Variants in CTNNA3 observed in about 807,000 individuals in gnomAD.
The protein encoded by CTNNA3 is catenin alpha-3.
Under a neutral mutation model 95.7 loss-of-function variants are expected in CTNNA3, and 76 were observed. That is an observed-to-expected ratio of 0.79 (90% CI 0.66 to 0.96). The LOEUF (loss-of-function observed/expected upper bound fraction) is 0.96. CTNNA3 is among the 40% of genes least tolerant of loss of function. The pLI is 0.00. For synonymous variants in CTNNA3, 431 were observed against 374.4 expected (o/e 1.15, Z -1.74); for missense variants, 1,191 against 1,089.8 (o/e 1.09, Z -1.31).
chr10:66,850,188 G>A (rs935527983), intron 7 of CTNNA3, among the ~76,000 whole-genome samples: 3 of 152,168 alleles, frequency 2.0e-5, no homozygotes, highest in Admixed American at 6.6e-5. Flanking sequence ...AAATAAAAAC[G>A]AAAAATCTGG....
chr10:66,116,360 C>G (rs1393648425), intron 13 of CTNNA3, among the ~76,000 whole-genome samples: 1 of 152,020 alleles, frequency 6.6e-6, no homozygotes, highest in Non-Finnish European at 1.5e-5. Context: ...ACCATAGAAT[C>G]TAGTCATTCT....
chr10:66,593,185 CA>C (rs749398574), intron 10 of CTNNA3, among the ~76,000 whole-genome samples: 6 of 152,086 alleles, frequency 3.9e-5, no homozygotes, highest in Non-Finnish European at 5.9e-5. Context: ...CTTGCTTAGA[CA>C]TACTGAATTC....
intron 10 of CTNNA3, among the ~76,000 whole-genome samples, chr10:66,618,144 T>C (rs1329531625): frequency 2.0e-5 from 3 of 152,096 alleles, no homozygotes; most frequent in South Asian, 2.1e-4. Context: ...CCCAAGGTAA[T>C]TTATAGATTC....
intron 1 of CTNNA3, among the ~76,000 whole-genome samples, chr10:67,732,886 G>GCACA (rs35778813): frequency 4.3e-4 from 45 of 103,640 alleles, no homozygotes; most frequent in Middle Eastern, 4.7e-3. Flanking sequence ...TCTCACTCAC[G>GCACA]CACACACACA....
intron 7 of CTNNA3, among the ~76,000 whole-genome samples, chr10:66,895,394 AAGT>A (rs1394372224): frequency 1.3e-5 from 2 of 152,196 alleles, no homozygotes; most frequent in East Asian, 3.8e-4. Flanking sequence ...AACTTTTATG[AAGT>A]AGATCAAAAA....
chr10:67,298,794 T>C (rs1032255427), intron 5 of CTNNA3, among the ~76,000 whole-genome samples: 2 of 152,254 alleles, frequency 1.3e-5, no homozygotes, highest in African/African-American at 2.4e-5. Context: ...TGGAACTATA[T>C]GTGCAAATAG....
At position 67,342,245 on chromosome 10, in the gene CTNNA3, G is replaced by A. The variant is rs1456568292; in HGVS notation, c.580-122375C>T. Among the ~76,000 whole-genome samples the A allele has an allele frequency of 2.6e-5, 4 of 151,608 alleles. No individual in the cohort carries two copies. In the East Asian group the frequency reaches 7.8e-4, roughly 29 times the overall value. On this transcript the variant is annotated intron_variant, in intron 5 of 17. Transcript: ENST00000433211. ...GCCTCCCGAATAGCTGGGACTACAG[G>A]CGCCCACCACCATGCCCGGCTAATT...
At chr10:67,102,674 T>C (rs1392694967) in intron 7 of CTNNA3, among the ~76,000 whole-genome samples, 1 of 151,880 alleles carries the variant, frequency 6.6e-6, no homozygotes, top group African/African-American at 2.4e-5. Flanking sequence ...TTCAAATGTA[T>C]CAAGAGACCT....
chr10:66,867,821 T>A (rs1266269901), intron 7 of CTNNA3, among the ~76,000 whole-genome samples: 1 of 151,196 alleles, frequency 6.6e-6, no homozygotes, highest in Non-Finnish European at 1.5e-5. Context: ...AAAAGAATAG[T>A]TCCAATTGTC....
At chr10:66,110,550 G>C (rs753524384) in intron 13 of CTNNA3, among the ~76,000 whole-genome samples, 1 of 151,764 alleles carries the variant, frequency 6.6e-6, no homozygotes, top group African/African-American at 2.4e-5. Context: ...ATACTATTTA[G>C]CCTTTAAAAA....
At chr10:67,265,463 G>A (rs1460331173) in intron 5 of CTNNA3, among the ~76,000 whole-genome samples, 1 of 152,082 alleles carries the variant, frequency 6.6e-6, no homozygotes, top group Admixed American at 6.6e-5. Context: ...TACTTAGCAG[G>A]GAGGGGAAGC....
chr10:67,075,384 T>A (rs1365319779), intron 7 of CTNNA3, among the ~76,000 whole-genome samples: 4 of 152,244 alleles, frequency 2.6e-5, no homozygotes, highest in African/African-American at 9.6e-5. Flanking sequence ...CTGAGAGAGA[T>A]GCCAGTTTTA....
intron 11 of CTNNA3, among the ~76,000 whole-genome samples, chr10:66,489,541 G>C (rs2441739): frequency 6.6e-6 from 1 of 151,942 alleles, no homozygotes; most frequent in African/African-American, 2.4e-5. Context: ...ACTCCCCAAC[G>C]TTATGTACAC....
intron 5 of CTNNA3, among the ~76,000 whole-genome samples, chr10:67,417,377 C>T (rs1845583196): frequency 6.6e-6 from 1 of 151,992 alleles, no homozygotes; most frequent in Non-Finnish European, 1.5e-5. Context: ...GGATCTATAC[C>T]CCAAACCTCG....
chr10:67,129,288 A>C (rs909208054), intron 7 of CTNNA3, among the ~76,000 whole-genome samples: 6 of 152,148 alleles, frequency 3.9e-5, no homozygotes, highest in African/African-American at 1.4e-4. Context: ...ATTGCCTTGG[A>C]ACATTAACCA....
chr10:66,548,744 C>G (rs1346102876), intron 10 of CTNNA3, among the ~76,000 whole-genome samples: 1 of 151,978 alleles, frequency 6.6e-6, no homozygotes, highest in Admixed American at 6.6e-5. Flanking sequence ...ATTTTTGAGT[C>G]TTACAGCAAC....
chr10:65,985,118 A>G (rs929950563), intron 16 of CTNNA3, among the ~76,000 whole-genome samples: 1 of 151,188 alleles, frequency 6.6e-6, no homozygotes, highest in Non-Finnish European at 1.5e-5. Context: ...CCTTATATCC[A>G]CAAATACAAT....
intron 13 of CTNNA3, among the ~76,000 whole-genome samples, chr10:66,126,166 C>G (rs913625428): frequency 1.3e-5 from 2 of 152,122 alleles, no homozygotes; most frequent in Admixed American, 1.3e-4. Context: ...AGACTGAAGT[C>G]AAAAGGAATT....
intron 5 of CTNNA3, among the ~76,000 whole-genome samples, chr10:67,341,542 C>T (rs1451219713): frequency 6.6e-6 from 1 of 152,100 alleles, no homozygotes; most frequent in Non-Finnish European, 1.5e-5. Context: ...TTTTTTATGG[C>T]CAAATACTAC....
Sources: gnomAD v4.1 joint callset for allele counts (sites outside exome capture counted in the v4.1 genomes callset) on GRCh38, gnomAD v4.1.1 for gene constraint, MANE v1.5 for transcripts, NCBI Gene and HGNC (gene_info 2026-07-23, HGNC 2026-07-21) for gene names.